ELFN2: variants seen among roughly 807,000 people sequenced by gnomAD.
ELFN2 encodes protein phosphatase 1 regulatory subunit 29.
Under a neutral mutation model 45.5 loss-of-function variants are expected in ELFN2, and 17 were observed. That is an observed-to-expected ratio of 0.37 (90% CI 0.26 to 0.56). The LOEUF is 0.56. ELFN2 is among the 20% of genes least tolerant of loss of function. The pLI, the probability that ELFN2 is intolerant of heterozygous loss-of-function variation, is 0.77. For missense variants in ELFN2, 922 were observed against 1,183.2 expected, an observed-to-expected ratio of 0.78 and a Z score of 3.24; for synonymous variants, 550 against 551.5, an observed-to-expected ratio of 1.00 and a Z score of 0.04.
chr22:37,421,291 A>G (rs1424275914), intron 1 of ELFN2, among the ~76,000 whole-genome samples: 1 of 152,106 alleles, frequency 6.6e-6, no homozygotes, highest in East Asian at 1.9e-4. Flanking sequence ...CTCTTTCACA[A>G]TCCTCCAGCC....
chr22:37,347,015 G>A (rs1930714016), intron 1 of ELFN2, among the ~76,000 whole-genome samples: 1 of 151,678 alleles, frequency 6.6e-6, no homozygotes, highest in African/African-American at 2.4e-5. Context: ...TTTTACTCCT[G>A]CTGCCCAGGC....
At chr22:37,366,258 A>G (rs892176501), downstream of ELFN2, among the ~76,000 whole-genome samples, 1 of 152,230 alleles carries the variant, frequency 6.6e-6, no homozygotes, top group Non-Finnish European at 1.5e-5. Flanking sequence ...TTGAAATGAA[A>G]AGGCAAGGGT....
chr22:37,402,213 T>C (rs1932380912), intron 2 of ELFN2, among the ~76,000 whole-genome samples: 1 of 152,364 alleles, frequency 6.6e-6, no homozygotes, highest in African/African-American at 2.4e-5. Context: ...TGTTAGCCCA[T>C]GCTATTATGT....
chr22:37,348,972 G>T lies in ELFN2; in HGVS notation n.149-6269C>A, dbSNP rs1405196365. Among the ~76,000 whole-genome samples, 2 of 151,048 alleles carry T rather than the reference G, an allele frequency of 1.3e-5. 1 individual carries two copies. On this transcript the variant is annotated intron_variant and non_coding_transcript_variant, in intron 1 of 2. Transcript: ENST00000452946. ...ACCCGTCTTACACATTTACCCACAG[G>T]CTGGTTTCCCATCTGCTGAGCGTTT...
chr22:37,388,107 C>T (rs1345270424), intron 2 of ELFN2, among the ~76,000 whole-genome samples: 6 of 152,206 alleles, frequency 3.9e-5, no homozygotes, highest in East Asian at 3.9e-4. Context: ...CCACTCCATG[C>T]CCCCTCCACC....
chr22:37,418,672 G>A (rs566480457), intron 1 of ELFN2, among the ~76,000 whole-genome samples: 5 of 147,196 alleles, frequency 3.4e-5, no homozygotes, highest in East Asian at 2.0e-4. Flanking sequence ...CACCAACGCC[G>A]CCCAACCCCA....
intron 1 of ELFN2, among the ~76,000 whole-genome samples, chr22:37,424,119 G>A (rs1232705314): frequency 6.6e-6 from 1 of 152,128 alleles, no homozygotes; most frequent in Non-Finnish European, 1.5e-5. Context: ...TGGGGGCACC[G>A]AGAGAGGAGC....
chr22:37,390,770 G>A (rs1482363964), intron 2 of ELFN2, among the ~76,000 whole-genome samples: 1 of 152,092 alleles, frequency 6.6e-6, no homozygotes, highest in Non-Finnish European at 1.5e-5. Flanking sequence ...TCTGGGCCTC[G>A]GTTTCCTTGC....
chr22:37,351,583 C>T (rs1418284357), intron 1 of ELFN2, among the ~76,000 whole-genome samples: 1 of 150,444 alleles, frequency 6.6e-6, no homozygotes, highest in East Asian at 1.9e-4. Context: ...CCAGCGTCCC[C>T]CCCACCCTCT....
intron 1 of ELFN2, among the ~76,000 whole-genome samples, chr22:37,350,989 C>T (rs1251338479): frequency 6.6e-6 from 1 of 150,456 alleles, no homozygotes; most frequent in Non-Finnish European, 1.5e-5. Flanking sequence ...GGCCGCGGGA[C>T]CCCGGGTACA....
At chr22:37,404,021 T>G (rs1446590503) in intron 2 of ELFN2, among the ~76,000 whole-genome samples, 1 of 152,158 alleles carries the variant, frequency 6.6e-6, no homozygotes, top group Non-Finnish European at 1.5e-5. Flanking sequence ...TGAGGGTGAT[T>G]CTGGTGAGGG....
chr22:37,366,800 G>A (rs908683209), downstream of ELFN2, among the ~76,000 whole-genome samples: 2 of 152,262 alleles, frequency 1.3e-5, no homozygotes, highest in African/African-American at 2.4e-5. Context: ...GACCCTGGCT[G>A]GCTGTGGCCC....
Position 37,375,613 on chromosome 22 carries a change from C to T in ELFN2, c.-79G>A, listed in dbSNP as rs1931557289. The T allele has an allele frequency of 5.6e-6, 8 of 1,441,128 alleles. No homozygotes were observed. Among genetic ancestry groups the T allele is most frequent in the Non-Finnish European group, 7.3e-6 (8 of 1,090,776 alleles). The allele number at this position is 1,441,128 out of a possible 1,614,324, so 89.3% of individuals were successfully genotyped here. A position where few individuals can be genotyped will look rare whatever the true frequency, so the allele number is the denominator to read the frequency against. On this transcript the variant is annotated 5_prime_UTR_variant, in exon 3 of 3. Coordinates refer to ENST00000402918, the MANE Select transcript of ELFN2 (RefSeq NM_052906.5). ...AGAGGCTGGGGCTGGCAGTACAGTC[C>T]TCCCTGGGGCCGCCACCATCTTGGG...
intron 1 of ELFN2, among the ~76,000 whole-genome samples, chr22:37,344,173 G>C (rs62237464): frequency 0.99 from 53,889 of 54,466 alleles, 26,743 homozygotes; most frequent in Middle Eastern, 1. Flanking sequence ...CCCATGCCCC[G>C]TGCCCAACCC....
intron 2 of ELFN2, among the ~76,000 whole-genome samples, chr22:37,401,109 G>A (rs1401580802): frequency 2.0e-5 from 3 of 152,212 alleles, no homozygotes; most frequent in South Asian, 2.1e-4. Flanking sequence ...TGCGGGGGCC[G>A]TGGGGCCTAG....
chr22:37,400,034 C>T (rs573187547), intron 2 of ELFN2, among the ~76,000 whole-genome samples: 1 of 152,280 alleles, frequency 6.6e-6, no homozygotes, highest in South Asian at 2.1e-4. Flanking sequence ...CCTGCAACCA[C>T]CCCCTCCCTG....
chr22:37,413,471 T>C (rs531012032), intron 2 of ELFN2, among the ~76,000 whole-genome samples: 3 of 147,000 alleles, frequency 2.0e-5, no homozygotes, highest in African/African-American at 7.6e-5. Context: ...CTGAGATGAG[T>C]GGATCACTTG....
chr22:37,398,786 G>A (rs1932285123), intron 2 of ELFN2, among the ~76,000 whole-genome samples: 1 of 151,850 alleles, frequency 6.6e-6, no homozygotes, highest in Non-Finnish European at 1.5e-5. Context: ...GCACACATGT[G>A]CACACATGTA....
chr22:37,392,692 A>T (rs547841290), intron 2 of ELFN2, among the ~76,000 whole-genome samples: 23 of 152,302 alleles, frequency 1.5e-4, no homozygotes, highest in Non-Finnish European at 3.2e-4. Flanking sequence ...TGACATCCTC[A>T]AGATCACATT....
Sources: gnomAD v4.1 joint callset for allele counts (sites outside exome capture counted in the v4.1 genomes callset) on GRCh38, gnomAD v4.1.1 for gene constraint, MANE v1.5 for transcripts, NCBI Gene and HGNC (gene_info 2026-07-23, HGNC 2026-07-21) for gene names.